The following TRDN variants were observed in gnomAD, a reference collection of about 807,000 sequenced individuals.
The protein encoded by TRDN is triadin in skeletal muscle.
Under a neutral mutation model 149.7 loss-of-function variants are expected in TRDN, and 161 were observed. That is an observed-to-expected ratio of 1.08 (90% CI 0.95 to 1.23). The LOEUF (loss-of-function observed/expected upper bound fraction) is 1.23, where lower values mean the gene tolerates loss of function less well. Ranked by LOEUF, TRDN falls within the 50% of genes most tolerant of loss-of-function variation. The pLI is 0.00. For synonymous variants in TRDN, 294 were observed against 250.5 expected (o/e 1.17, Z -1.64); for missense variants, 896 against 823.5 (o/e 1.09, Z -1.08).
rs571422959 is a variant in TRDN, at chr6:123,397,845, T to C, written c.1052-4168A>G. On this transcript the variant is annotated intron_variant, in intron 12 of 40. Transcript: ENST00000334268. ...AGAAACAAACAACAAAAAATGAAAA[T>C]ATTGGAATTCTACTTAAGAGCATGT... Among the ~76,000 whole-genome samples the C allele has an allele frequency of 3.3e-5, 5 of 152,244 alleles. No individual in the cohort carries two copies. In the East Asian group the frequency reaches 9.7e-4, roughly 29 times the overall value.
chr6:123,592,441 G>A (rs548297991), intron 1 of TRDN, among the ~76,000 whole-genome samples: 2 of 152,274 alleles, frequency 1.3e-5, no homozygotes, highest in South Asian at 4.1e-4. Flanking sequence ...ACTCAACCTT[G>A]TATTACTGCT....
At position 123,636,791 on chromosome 6, in the gene TRDN, T is replaced by C. The variant is rs1786346695; in HGVS notation, c.-16A>G. 1.9e-6 allele frequency: 3 copies of C among 1,611,522 alleles called. No homozygotes were observed. Among genetic ancestry groups the C allele is most frequent in the Admixed American group, 1.7e-5 (1 of 59,816 alleles). On this transcript the variant is annotated 5_prime_UTR_variant, in exon 1 of 41. Transcript: ENST00000334268. Reference sequence around the variant, plus strand: ...TCTCAGTCATGGTGGTCGTCAAAAGTAAAAGTCAGTTGAAAAGTTCCCGTC... The same window carrying C: ...TCTCAGTCATGGTGGTCGTCAAAAGCAAAAGTCAGTTGAAAAGTTCCCGTC...
intron 9 of TRDN, among the ~76,000 whole-genome samples, chr6:123,494,837 A>G (rs1279166040): frequency 6.6e-6 from 1 of 151,894 alleles, no homozygotes; most frequent in Non-Finnish European, 1.5e-5. Context: ...AGGTTCAAGC[A>G]ATTCTCCTGC....
At chr6:123,552,744 C>T (rs1396440016) in intron 2 of TRDN, among the ~76,000 whole-genome samples, 2 of 152,132 alleles carry the variant, frequency 1.3e-5, no homozygotes, top group Non-Finnish European at 1.5e-5. Context: ...CAATTTTGCA[C>T]CCATGGTACT....
chr6:123,473,285 T>G (rs1420685482), intron 9 of TRDN, among the ~76,000 whole-genome samples: 1 of 151,978 alleles, frequency 6.6e-6, no homozygotes, highest in African/African-American at 2.4e-5. Context: ...GCTTGAGAAC[T>G]ACATGAAGAA....
Position 123,267,760 on chromosome 6 carries a change from A to G in TRDN, c.1739-9T>C, listed in dbSNP as rs2114606858. On this transcript the variant is annotated splice_polypyrimidine_tract_variant and intron_variant, in intron 31 of 40. Transcript: ENST00000334268. ...TCGATGTTCAGCTTTTTCTAGAGAA[A>G]GAAATCAAAATTCACTGGCAATCTG... The G allele has an allele frequency of 6.4e-7, 1 of 1,565,686 alleles. No homozygotes were observed. Among genetic ancestry groups the G allele is most frequent in the Admixed American group, 1.9e-5 (1 of 53,628 alleles).
chr6:123,435,211 T>C (rs1390997038), intron 12 of TRDN, among the ~76,000 whole-genome samples: 2 of 151,816 alleles, frequency 1.3e-5, no homozygotes, highest in African/African-American at 4.8e-5. Context: ...CATGTAGGCA[T>C]ATCTTATGCC....
At chr6:123,383,975 T>C (rs1278156545) in intron 14 of TRDN, among the ~76,000 whole-genome samples, 3 of 152,164 alleles carry the variant, frequency 2.0e-5, no homozygotes, top group Admixed American at 1.3e-4. Flanking sequence ...AATTTTAGAA[T>C]AGATTTTTCT....
In TRDN at chr6:123,601,387, G is replaced by A. The variant is rs531442717; in HGVS notation, c.23-30255C>T. Among the ~76,000 whole-genome samples, 13 of 152,202 alleles carry A rather than the reference G, an allele frequency of 8.5e-5. No homozygotes were observed. In the South Asian group the frequency reaches 2.5e-3, roughly 29 times the overall value. On this transcript the variant is annotated intron_variant, in intron 1 of 40. Transcript: ENST00000334268. ...TCATCAACACCTTTTGTTCACCCCT[G>A]TGGTATGCATACCCATAGGATTTAA...
At chr6:123,225,584 G>A (rs916638994) in intron 38 of TRDN, among the ~76,000 whole-genome samples, 1 of 151,162 alleles carries the variant, frequency 6.6e-6, no homozygotes, top group Non-Finnish European at 1.5e-5. Flanking sequence ...TGAGGTGATG[G>A]CCATGTTAAT....
chr6:123,448,335 G>A (rs1182857596), intron 10 of TRDN, among the ~76,000 whole-genome samples: 4 of 152,094 alleles, frequency 2.6e-5, no homozygotes, highest in East Asian at 1.9e-4. Context: ...GGGTAGCCTC[G>A]GGCAAGTTTT....
intron 38 of TRDN, among the ~76,000 whole-genome samples, chr6:123,245,683 C>T (rs1328884621): frequency 6.6e-6 from 1 of 152,090 alleles, no homozygotes; most frequent in African/African-American, 2.4e-5. Flanking sequence ...GACAGAACAA[C>T]AAGACAGAAC....
At chr6:123,403,289 T>C (rs1323659254) in intron 12 of TRDN, among the ~76,000 whole-genome samples, 1 of 152,122 alleles carries the variant, frequency 6.6e-6, no homozygotes, top group Non-Finnish European at 1.5e-5. Flanking sequence ...ATTGTGGATA[T>C]GGTTTTGGAA....
At chr6:123,280,430 G>A (rs924867461) in intron 24 of TRDN, among the ~76,000 whole-genome samples, 4 of 151,892 alleles carry the variant, frequency 2.6e-5, no homozygotes, top group African/African-American at 9.7e-5. Flanking sequence ...TCCATTCCAC[G>A]TAAACTTTAT....
intron 9 of TRDN, chr6:123,488,806 A>C (rs1778084385): frequency 6.6e-6 from 1 of 151,960 alleles, no homozygotes; most frequent in South Asian, 2.1e-4. Flanking sequence ...ATTTGGTATA[A>C]AGATAATACT....
At position 123,558,039 on chromosome 6, in the gene TRDN, C is replaced by T. The variant is rs143444774; in HGVS notation, c.233-9427G>A. On this transcript the variant is annotated intron_variant, in intron 2 of 40. Transcript: ENST00000334268. ...CCAAATAGCCAGAAAACAGCACTTT[C>T]GACTTTTCCACCCTACAAGACCTAA... 3.1e-3 allele frequency among the ~76,000 whole-genome samples: 476 copies of T among 152,220 alleles called. 1 individual carries two copies. The highest frequency in any genetic ancestry group is 0.011 in the African/African-American group (455 of 41,516).
At chr6:123,342,787 A>G (rs1780113348) in intron 21 of TRDN, among the ~76,000 whole-genome samples, 1 of 152,014 alleles carries the variant, frequency 6.6e-6, no homozygotes, top group Non-Finnish European at 1.5e-5. Context: ...AATTGTTCCT[A>G]AAAGTGAACA....
At chr6:123,435,926 T>C (rs1034837371) in intron 12 of TRDN, among the ~76,000 whole-genome samples, 3 of 151,944 alleles carry the variant, frequency 2.0e-5, no homozygotes, top group African/African-American at 4.8e-5. Context: ...GATTTTCCCA[T>C]GAACCATTGC....
At chr6:123,367,857 C>G (rs536009635) in intron 19 of TRDN, among the ~76,000 whole-genome samples, 6 of 152,298 alleles carry the variant, frequency 3.9e-5, no homozygotes, top group African/African-American at 1.2e-4. Context: ...TCAGTCAAGA[C>G]TATTCCTACT....
Sources: allele counts gnomAD v4.1 joint callset (sites outside exome capture counted in the v4.1 genomes callset), GRCh38; gene constraint gnomAD v4.1.1; transcripts MANE v1.5; gene names NCBI Gene and HGNC (gene_info 2026-07-23, HGNC 2026-07-21).